RALB: variants seen among roughly 807,000 people sequenced by gnomAD.
The protein encoded by RALB is ras-related protein Ral-B.
RALB carries 16 observed loss-of-function variants against 21.3 expected under a neutral mutation model. The ratio of observed to expected loss-of-function variants is 0.75; its 90% CI spans 0.51 to 1.14. The LOEUF (loss-of-function observed/expected upper bound fraction) is 1.14, where lower values mean the gene tolerates loss of function less well. Ranked by LOEUF, RALB falls within the 50% of genes most tolerant of loss-of-function variation. RALB has a pLI of 0.00. For synonymous variants in RALB, 93 were observed against 96.1 expected (o/e 0.97, Z 0.19); for missense variants, 161 against 256.2 (o/e 0.63, Z 2.54).
At position 120,294,414 on chromosome 2, in the gene RALB, G is replaced by A. The variant is rs1690374343; in HGVS notation, c.*1154G>A. 2.5e-6 allele frequency: 1 copy of A among 397,442 alleles called. No individual in the cohort carries two copies. Among genetic ancestry groups the A allele is most frequent in the Admixed American group, 4.4e-5 (1 of 22,702 alleles). The allele number at this position is 397,442 out of a possible 1,614,324, so 24.6% of individuals were successfully genotyped here. On this transcript the variant is annotated 3_prime_UTR_variant, in exon 5 of 5. Transcript: ENST00000272519. The stretch of plus-strand genomic sequence containing the variant: ...AGATAGTTAGAAAAAGATTTTCATT[G>A]ATGACATATCTTTAAACTTTCTTGC...
At chr2:120,271,192 G>A (rs76813380) in intron 1 of RALB, among the ~76,000 whole-genome samples, 1,723 of 152,278 alleles carry the variant, frequency 0.011, 33 homozygotes, top group African/African-American at 0.039. Context: ...TGGGACTAAC[G>A]CTAGTAGAAA....
chr2:120,243,695 G>T (rs1226818686), intron 1 of RALB, among the ~76,000 whole-genome samples: 1 of 152,174 alleles, frequency 6.6e-6, no homozygotes, highest in Non-Finnish European at 1.5e-5. Context: ...CTTGGGTAGG[G>T]TTGTCAGATT....
At chr2:120,289,359 C>A (rs1301735164) in intron 3 of RALB, among the ~76,000 whole-genome samples, 1 of 151,868 alleles carries the variant, frequency 6.6e-6, no homozygotes, top group Non-Finnish European at 1.5e-5. Context: ...TGATGAGCAT[C>A]CCAGGGGATT....
At chr2:120,277,794 A>G (rs1689860404) in intron 1 of RALB, among the ~76,000 whole-genome samples, 1 of 150,356 alleles carries the variant, frequency 6.7e-6, no homozygotes, top group Admixed American at 6.6e-5. Flanking sequence ...TGAGCCTGTG[A>G]TAGTGTGTGA....
chr2:120,258,165 T>C (rs1359385127), intron 1 of RALB, among the ~76,000 whole-genome samples: 3 of 152,184 alleles, frequency 2.0e-5, no homozygotes, highest in Non-Finnish European at 4.4e-5. Flanking sequence ...TCAGTGGCTT[T>C]CCAGTGCTTT....
In RALB at chr2:120,253,336, C is replaced by T. The variant is rs1179131480; in HGVS notation, c.-48+356C>T. On this transcript the variant is annotated intron_variant, in intron 1 of 4. Transcript: ENST00000272519. ...ACCGTCCACTTCCTCAGTCCTCCGG[C>T]CGCGGCTTGGGCAGGGTCAGGGCTG... 4 of 953,044 alleles carry T rather than the reference C, an allele frequency of 4.2e-6. No individual in the cohort carries two copies. In the African/African-American group the frequency reaches 7.1e-5, roughly 17 times the overall value. 59.0% of individuals were successfully genotyped at this position (953,044 alleles called of 1,614,324 possible). A position where few individuals can be genotyped will look rare whatever the true frequency, so the allele number is the denominator to read the frequency against.
rs529607407 is a variant in RALB, at chr2:120,270,613, A to AT, written c.-47-8004dup. 6.6e-4 allele frequency among the ~76,000 whole-genome samples: 50 copies of AT among 76,178 alleles called. 1 individual carries two copies. In the South Asian group the frequency reaches 0.013, roughly 19 times the overall value. The allele number at this position is 76,178 out of a possible 152,430, so 50.0% of individuals were successfully genotyped here. On this transcript the variant is annotated intron_variant, in intron 1 of 4. Coordinates refer to ENST00000272519, the MANE Select transcript of RALB (RefSeq NM_002881.3). ...CAACAATGGAAAATAACTGGTTAAA[A>AT]TCGGTTAGTTTTTGTTGTAAGGATT...
chr2:120,275,136 T>C (rs1689756053), intron 1 of RALB, among the ~76,000 whole-genome samples: 1 of 152,232 alleles, frequency 6.6e-6, no homozygotes, highest in Non-Finnish European at 1.5e-5. Flanking sequence ...CAAGCTTCCT[T>C]GTCATTTTCC....
chr2:120,286,136 A>G (rs768897274), intron 3 of RALB, 54 bp downstream of exon 3: 136 of 1,503,144 alleles, frequency 9.0e-5, no homozygotes, highest in Non-Finnish European at 1.2e-4. Flanking sequence ...GCCTTTTCTC[A>G]TATGTCTTAG....
intron 1 of RALB, among the ~76,000 whole-genome samples, chr2:120,262,303 G>C (rs2104595885): frequency 6.6e-6 from 1 of 152,286 alleles, no homozygotes; most frequent in Non-Finnish European, 1.5e-5. Flanking sequence ...GTCTGGCCCT[G>C]AAGCACATGG....
chr2:120,293,426 A>C lies in RALB; in HGVS notation c.*166A>C. ...TATTTGTGACTCTGTGGCTGGCAGA[A>C]GAAATAAGCCCATGCAAGTGGAAGG... On this transcript the variant is annotated 3_prime_UTR_variant, in exon 5 of 5. Coordinates refer to ENST00000272519, the MANE Select transcript of RALB (RefSeq NM_002881.3). 1.6e-6 allele frequency: 1 copy of C among 636,200 alleles called. No homozygotes were observed. Among genetic ancestry groups the C allele is most frequent in the Non-Finnish European group, 2.3e-6 (1 of 430,478 alleles). 39.4% of individuals were successfully genotyped at this position (636,200 alleles called of 1,614,324 possible). A position where few individuals can be genotyped will look rare whatever the true frequency, so the allele number is the denominator to read the frequency against.
chr2:120,294,150 A>C lies in RALB; in HGVS notation c.*890A>C. The C allele has an allele frequency of 2.5e-6, 1 of 398,610 alleles. No individual in the cohort carries two copies. The highest frequency in any genetic ancestry group is 4.4e-6 in the Non-Finnish European group (1 of 226,070). 24.7% of individuals were successfully genotyped at this position (398,610 alleles called of 1,614,324 possible). ...GTGTCTGTCTGATCAGCATCACTGCACACGGAGGTCTAGTGAGCCTCTTGC... is the reference window on the plus strand; with the variant it reads ...GTGTCTGTCTGATCAGCATCACTGCCCACGGAGGTCTAGTGAGCCTCTTGC... On this transcript the variant is annotated 3_prime_UTR_variant, in exon 5 of 5. Transcript: ENST00000272519.
At chr2:120,277,519 CGTAT>C (rs372288188) in intron 1 of RALB, among the ~76,000 whole-genome samples, 3,179 of 148,376 alleles carry the variant, frequency 0.021, 119 homozygotes, top group African/African-American at 0.076. Flanking sequence ...AACGTTAGAG[CGTAT>C]GTGAGTGTGT....
At chr2:120,259,312 A>T (rs1689283788) in intron 1 of RALB, among the ~76,000 whole-genome samples, 1 of 152,136 alleles carries the variant, frequency 6.6e-6, no homozygotes, top group African/African-American at 2.4e-5. Flanking sequence ...CTGTTTTGTC[A>T]GGGCGCTGAT....
upstream of RALB, chr2:120,252,772 G>C (rs1250768403): frequency 1.0e-6 from 1 of 985,246 alleles, no homozygotes; most frequent in Non-Finnish European, 1.2e-6. Context: ...CTTCCGAGGA[G>C]AGGGCAAGAA....
intron 1 of RALB, among the ~76,000 whole-genome samples, chr2:120,242,477 T>C (rs6542575): frequency 0.18 from 27,731 of 152,238 alleles, 3,934 homozygotes; most frequent in African/African-American, 0.4. Context: ...TGGGGGCTGA[T>C]GCCTATAATC....
intron 2 of RALB, among the ~76,000 whole-genome samples, chr2:120,282,083 C>T (rs1292388979): frequency 6.6e-6 from 1 of 152,148 alleles, no homozygotes; most frequent in Non-Finnish European, 1.5e-5. Context: ...GTTGAGAAAC[C>T]TGCATTAGAG....
chr2:120,268,297 A>G (rs1689556099), intron 1 of RALB, among the ~76,000 whole-genome samples: 2 of 143,174 alleles, frequency 1.4e-5, no homozygotes. Flanking sequence ...TCCCAGCCCT[A>G]TCCTCGGCCT....
chr2:120,241,394 A>G (rs919806202), intron 1 of RALB, among the ~76,000 whole-genome samples: 15 of 152,210 alleles, frequency 9.9e-5, no homozygotes, highest in Non-Finnish European at 1.6e-4. Context: ...AAGAGGAAGG[A>G]AACAGCCTCC....
Sources: allele counts gnomAD v4.1 joint callset (sites outside exome capture counted in the v4.1 genomes callset), GRCh38; gene constraint gnomAD v4.1.1; transcripts MANE v1.5; gene names NCBI Gene and HGNC (gene_info 2026-07-23, HGNC 2026-07-21).